Variants in ROBO2 observed in about 807,000 individuals in gnomAD.
ROBO2 encodes the protein roundabout guidance receptor 2.
In ROBO2, 53 loss-of-function variants were observed where a neutral mutation model predicts 160.8. The observed-to-expected ratio is 0.33, with a 90% CI of 0.26 to 0.41. The LOEUF is 0.41. ROBO2 is among the 10% of genes least tolerant of loss of function. The pLI, the probability that ROBO2 is intolerant of heterozygous loss-of-function variation, is 1.00. For synonymous variants in ROBO2, 664 were observed against 611.7 expected (o/e 1.09, Z -1.26); for missense variants, 1,577 against 1,722.4 (o/e 0.92, Z 1.49).
chr3:76,019,437 C>T (rs895509357), intron 2 of ROBO2, among the ~76,000 whole-genome samples: 2 of 151,238 alleles, frequency 1.3e-5, no homozygotes, highest in Admixed American at 1.3e-4. Flanking sequence ...GGCCTCCCCA[C>T]ATGCTTTGGT....
intron 2 of ROBO2, among the ~76,000 whole-genome samples, chr3:76,675,724 A>G (rs950187455): frequency 6.6e-6 from 1 of 152,166 alleles, no homozygotes; most frequent in African/African-American, 2.4e-5. Context: ...AAAAGATACA[A>G]TATAGCTTTG....
intron 2 of ROBO2, among the ~76,000 whole-genome samples, chr3:76,611,391 C>A (rs2088113115): frequency 6.6e-6 from 1 of 152,118 alleles, no homozygotes; most frequent in African/African-American, 2.4e-5. Flanking sequence ...AGGAAAACCA[C>A]TGGGTCCTGG....
intron 2 of ROBO2, among the ~76,000 whole-genome samples, chr3:75,941,618 C>T (rs550391240): frequency 6.6e-6 from 1 of 152,248 alleles, no homozygotes; most frequent in Admixed American, 6.5e-5. Context: ...CTGTAGGAAA[C>T]TTAAATTTTG....
intron 22 of ROBO2, among the ~76,000 whole-genome samples, chr3:77,619,087 T>A (rs1202317227): frequency 6.6e-6 from 1 of 152,176 alleles, no homozygotes; most frequent in Non-Finnish European, 1.5e-5. Context: ...CTGACTGCCA[T>A]GATCTGGAAT....
chr3:76,610,268 G>A (rs1026851880), intron 2 of ROBO2, among the ~76,000 whole-genome samples: 1 of 152,180 alleles, frequency 6.6e-6, no homozygotes, highest in African/African-American at 2.4e-5. Flanking sequence ...AGAAAGCTCT[G>A]CAGCTGCTCC....
chr3:76,719,516 A>C (rs2093432052), intron 2 of ROBO2, among the ~76,000 whole-genome samples: 1 of 152,164 alleles, frequency 6.6e-6, no homozygotes, highest in Non-Finnish European at 1.5e-5. Context: ...TATATAATTT[A>C]AAGTAAAAAA....
intron 1 of ROBO2, among the ~76,000 whole-genome samples, chr3:77,077,128 C>T (rs1174801916): frequency 6.6e-6 from 1 of 152,086 alleles, no homozygotes; most frequent in African/African-American, 2.4e-5. Flanking sequence ...TTTTGAAAGC[C>T]TTGAGTACTG....
chr3:77,076,517 TC>T (rs1292746110), intron 1 of ROBO2, among the ~76,000 whole-genome samples: 2 of 151,014 alleles, frequency 1.3e-5, no homozygotes, highest in Non-Finnish European at 3.0e-5. Flanking sequence ...AAATTTTTTT[TC>T]TGTTATTCTC....
intron 2 of ROBO2, among the ~76,000 whole-genome samples, chr3:76,182,338 T>G (rs1701546927): frequency 6.6e-6 from 1 of 152,116 alleles, no homozygotes; most frequent in Admixed American, 6.6e-5. Context: ...TGGAAATACG[T>G]TTTTCTCCAT....
At chr3:76,337,780 G>T (rs918822491) in intron 2 of ROBO2, among the ~76,000 whole-genome samples, 13 of 152,122 alleles carry the variant, frequency 8.5e-5, no homozygotes, top group Admixed American at 6.6e-5. Context: ...GAATGAAATT[G>T]GGATTTGAAC....
At chr3:76,648,298 G>C (rs79501149) in intron 2 of ROBO2, among the ~76,000 whole-genome samples, 8,934 of 151,964 alleles carry the variant, frequency 0.059, 845 homozygotes, top group African/African-American at 0.2. Flanking sequence ...GAGTCTATAA[G>C]CATATAAAAA....
At chr3:77,127,419 A>G (rs751864406) in intron 2 of ROBO2, among the ~76,000 whole-genome samples, 8 of 152,110 alleles carry the variant, frequency 5.3e-5, no homozygotes, top group Non-Finnish European at 1.2e-4. Context: ...GTCTTTTATT[A>G]TAGATATCTT....
intron 2 of ROBO2, among the ~76,000 whole-genome samples, chr3:76,926,803 C>A (rs1466331374): frequency 1.3e-5 from 2 of 152,084 alleles, no homozygotes; most frequent in Admixed American, 6.6e-5. Context: ...CCCAAATAAT[C>A]AATTGTTGAG....
intron 2 of ROBO2, among the ~76,000 whole-genome samples, chr3:76,750,473 AG>A (rs1219440529): frequency 6.6e-6 from 1 of 152,174 alleles, no homozygotes; most frequent in Non-Finnish European, 1.5e-5. Context: ...AAAGAAATAA[AG>A]GGTATTCAAT....
chr3:77,542,368 G>A (rs2092506650), intron 6 of ROBO2, among the ~76,000 whole-genome samples: 1 of 152,044 alleles, frequency 6.6e-6, no homozygotes, highest in African/African-American at 2.4e-5. Context: ...TTTGATAAAT[G>A]TTTCCATTTT....
chr3:77,311,912 C>A (rs1017415099), intron 2 of ROBO2, among the ~76,000 whole-genome samples: 1 of 151,964 alleles, frequency 6.6e-6, no homozygotes, highest in Non-Finnish European at 1.5e-5. Flanking sequence ...CAAGATGAAA[C>A]CCCGTCTCTA....
At chr3:77,649,713 G>A (rs2095436093) in exon 26 of ROBO2, 1 of 152,146 alleles carries the variant, frequency 6.6e-6, no homozygotes, top group African/African-American at 2.4e-5. Flanking sequence ...AAAAGCATTT[G>A]TTGTGATTTT....
At chr3:76,201,012 G>A (rs781209425) in intron 2 of ROBO2, among the ~76,000 whole-genome samples, 1 of 151,924 alleles carries the variant, frequency 6.6e-6, no homozygotes, top group Non-Finnish European at 1.5e-5. Context: ...TTAAACATTC[G>A]TAGGGTTTGA....
chr3:77,068,703 G>A (rs2067110908), intron 1 of ROBO2, among the ~76,000 whole-genome samples: 1 of 152,044 alleles, frequency 6.6e-6, no homozygotes, highest in Admixed American at 6.6e-5. Context: ...AGTAGAATAC[G>A]TGAATAAAGT....
Sources: allele counts gnomAD v4.1 joint callset (sites outside exome capture counted in the v4.1 genomes callset), GRCh38; gene constraint gnomAD v4.1.1; transcripts MANE v1.5; gene names NCBI Gene and HGNC (gene_info 2026-07-23, HGNC 2026-07-21).